Variants in SLCO6A1 observed in about 807,000 individuals in gnomAD.
SLCO6A1 encodes the protein cancer/testis antigen 48.
In SLCO6A1, 65 loss-of-function variants were observed where a neutral mutation model predicts 72.7. The observed-to-expected ratio is 0.89, with a 90% confidence interval of 0.73 to 1.10. The LOEUF (loss-of-function observed/expected upper bound fraction) is 1.10. Among genes scored for constraint, SLCO6A1 ranks in the 50% least tolerant of loss-of-function variants. The pLI, the probability that SLCO6A1 is intolerant of heterozygous loss-of-function variation, is 0.00. For synonymous variants in SLCO6A1, 314 were observed against 298.2 expected (o/e 1.05, Z -0.55); for missense variants, 874 against 872.6 (o/e 1.00, Z -0.02).
intron 10 of SLCO6A1, among the ~76,000 whole-genome samples, chr5:102,396,652 G>T (rs1359503208): frequency 6.6e-6 from 1 of 152,124 alleles, no homozygotes; most frequent in Non-Finnish European, 1.5e-5. Context: ...TGATATTTGA[G>T]TGTGTAGGGG....
At chr5:102,395,819 G>A (rs968477539) in intron 10 of SLCO6A1, among the ~76,000 whole-genome samples, 1 of 152,096 alleles carries the variant, frequency 6.6e-6, no homozygotes, top group Non-Finnish European at 1.5e-5. Context: ...TCATGTGTCT[G>A]TTGGCTGTAA....
chr5:102,486,825 T>G (rs1234087626), intron 1 of SLCO6A1, among the ~76,000 whole-genome samples: 1 of 152,138 alleles, frequency 6.6e-6, no homozygotes, highest in Non-Finnish European at 1.5e-5. Context: ...AATAAATAAT[T>G]GTATCTTCAA....
In SLCO6A1 at chr5:102,498,528, C is replaced by A; in HGVS notation, c.317G>T (p.Arg106Leu). 6.2e-7 allele frequency: 1 copy of A among 1,614,094 alleles called. No homozygotes were observed. The highest frequency in any genetic ancestry group is 8.5e-7 in the Non-Finnish European group (1 of 1,179,990). Residue 106 changes from arginine (R) to leucine (L), a missense_variant, in exon 1 of 14, where the codon CGC becomes CTC. Transcript: ENST00000506729. ...STCCECCNNI[R>L]CFMIFYCILL... is the part of the protein sequence containing the mutation. ...GATGCAGTAGAAAATCATGAAGCAG[C>A]GAATGTTATTGCAACACTCACAGCA...
chr5:102,471,100 G>A (rs1580488730), intron 4 of SLCO6A1, among the ~76,000 whole-genome samples: 1 of 151,916 alleles, frequency 6.6e-6, no homozygotes, highest in East Asian at 1.9e-4. Flanking sequence ...TTTTCACATG[G>A]GCCCATTAAT....
chr5:102,491,667 C>T (rs1752683922), intron 1 of SLCO6A1, among the ~76,000 whole-genome samples: 1 of 152,256 alleles, frequency 6.6e-6, no homozygotes, highest in African/African-American at 2.4e-5. Flanking sequence ...CTCACGCCCA[C>T]CCAGAACTCG....
intron 1 of SLCO6A1, among the ~76,000 whole-genome samples, chr5:102,480,911 C>T (rs966584576): frequency 6.6e-6 from 1 of 152,116 alleles, no homozygotes; most frequent in Non-Finnish European, 1.5e-5. Context: ...AGTTTTTAGC[C>T]TTTTTAACAT....
intron 6 of SLCO6A1, among the ~76,000 whole-genome samples, chr5:102,446,034 G>A (rs1174147248): frequency 1.3e-5 from 2 of 152,206 alleles, no homozygotes; most frequent in East Asian, 3.9e-4. Flanking sequence ...GGATTGCTTT[G>A]GCTCTTGAGG....
intron 11 of SLCO6A1, among the ~76,000 whole-genome samples, chr5:102,389,775 A>G (rs7728630): frequency 0.26 from 39,341 of 151,704 alleles, 5,333 homozygotes; most frequent in Non-Finnish European, 0.31. Context: ...TGTACTACAA[A>G]CCCTAGAATC....
intron 7 of SLCO6A1, among the ~76,000 whole-genome samples, chr5:102,431,073 C>T (rs1427765262): frequency 6.6e-6 from 1 of 151,834 alleles, no homozygotes; most frequent in Non-Finnish European, 1.5e-5. Context: ...TTTTCTAGTT[C>T]ATGTTTGTAA....
At chr5:102,431,659 T>C (rs928790211) in intron 7 of SLCO6A1, among the ~76,000 whole-genome samples, 1 of 152,192 alleles carries the variant, frequency 6.6e-6, no homozygotes, top group Non-Finnish European at 1.5e-5. Flanking sequence ...GATTTTGTGG[T>C]TGATTTTAGA....
chr5:102,436,824 C>G (rs934294902), intron 7 of SLCO6A1, among the ~76,000 whole-genome samples: 1 of 152,154 alleles, frequency 6.6e-6, no homozygotes, highest in Admixed American at 6.6e-5. Context: ...TCCTAACTTA[C>G]AGCAATCTTT....
intron 12 of SLCO6A1, among the ~76,000 whole-genome samples, chr5:102,379,145 C>CT (rs1745977013): frequency 6.6e-6 from 1 of 152,194 alleles, no homozygotes; most frequent in African/African-American, 2.4e-5. Flanking sequence ...CTTTTATCCA[C>CT]TTTTTTGTAA....
chr5:102,373,795 C>T (rs1224747939), intron 12 of SLCO6A1, among the ~76,000 whole-genome samples: 29 of 152,150 alleles, frequency 1.9e-4, no homozygotes. Flanking sequence ...ACTTTCAAAA[C>T]TTAGCTATCA....
At chr5:102,492,097 C>CA (rs148091038) in intron 1 of SLCO6A1, among the ~76,000 whole-genome samples, 3,562 of 152,276 alleles carry the variant, frequency 0.023, 136 homozygotes, top group African/African-American at 0.081. Context: ...CTCACTATCA[C>CA]AAAACAGCAA....
At chr5:102,475,112 G>T (rs1020851750) in intron 4 of SLCO6A1, among the ~76,000 whole-genome samples, 1 of 151,920 alleles carries the variant, frequency 6.6e-6, no homozygotes, top group Non-Finnish European at 1.5e-5. Context: ...TTGACAACAG[G>T]ATCTCTGTGG....
At chr5:102,495,924 A>T (rs1373451725) in intron 1 of SLCO6A1, among the ~76,000 whole-genome samples, 2 of 152,232 alleles carry the variant, frequency 1.3e-5, no homozygotes, top group African/African-American at 4.8e-5. Flanking sequence ...AGTATGAGGA[A>T]GTGTTCCAGA....
At chr5:102,436,567 G>A (rs1050772415) in intron 7 of SLCO6A1, among the ~76,000 whole-genome samples, 5 of 152,116 alleles carry the variant, frequency 3.3e-5, no homozygotes, top group Non-Finnish European at 7.4e-5. Flanking sequence ...AGTGTAATTC[G>A]CAAACCTACA....
chr5:102,458,928 A>G (rs1384641718), intron 5 of SLCO6A1, among the ~76,000 whole-genome samples: 2 of 152,160 alleles, frequency 1.3e-5, no homozygotes, highest in African/African-American at 2.4e-5. Flanking sequence ...TTGACTTTAC[A>G]TGTATTTTTC....
intron 10 of SLCO6A1, among the ~76,000 whole-genome samples, chr5:102,397,634 T>G (rs1747166927): frequency 6.6e-6 from 1 of 152,158 alleles, no homozygotes; most frequent in South Asian, 2.1e-4. Context: ...ATGTAAGTCC[T>G]GCTCCCAGAA....
Sources: gnomAD v4.1 joint callset for allele counts (sites outside exome capture counted in the v4.1 genomes callset) on GRCh38, gnomAD v4.1.1 for gene constraint, MANE v1.5 for transcripts, NCBI Gene and HGNC (gene_info 2026-07-23, HGNC 2026-07-21) for gene names.